Variants in TEX14 observed in about 807,000 individuals in gnomAD.
TEX14 encodes the protein testis expressed 14, intercellular bridge forming factor, also known as inactive serine/threonine-protein kinase TEX14.
In TEX14, 168 loss-of-function variants were observed where a neutral mutation model predicts 178.6. That is an observed-to-expected ratio of 0.94 (90% CI 0.83 to 1.07). TEX14 has a LOEUF of 1.07. TEX14 is among the 50% of genes least tolerant of loss of function. The pLI, the probability that TEX14 is intolerant of heterozygous loss-of-function variation, is 0.00. For missense variants in TEX14, 1,730 were observed against 1,753.6 expected (o/e 0.99, Z 0.24); for synonymous variants, 626 against 634.1 (o/e 0.99, Z 0.19).
At chr17:58,592,633 T>C (rs1358107354) in intron 15 of TEX14, among the ~76,000 whole-genome samples, 2 of 146,276 alleles carry the variant, frequency 1.4e-5, no homozygotes, top group African/African-American at 2.6e-5. Flanking sequence ...CGCACCCAGC[T>C]GTTCAAGCTA....
At chr17:58,580,880 T>A (rs1344816490) in intron 19 of TEX14, among the ~76,000 whole-genome samples, 1 of 152,174 alleles carries the variant, frequency 6.6e-6, no homozygotes, top group African/African-American at 2.4e-5. Flanking sequence ...CTTGCCTCAA[T>A]CCTGGCTCTC....
chr17:58,631,680 A>G (rs1000613878), intron 2 of TEX14: 7 of 151,792 alleles, frequency 4.6e-5, no homozygotes, highest in African/African-American at 1.7e-4. Context: ...ACGGTCACCA[A>G]CAGCAAACAG....
At chr17:58,606,296 C>A (rs992227655) in intron 10 of TEX14, among the ~76,000 whole-genome samples, 1 of 152,118 alleles carries the variant, frequency 6.6e-6, no homozygotes, top group Non-Finnish European at 1.5e-5. Flanking sequence ...AGCCATAAAG[C>A]GCTCTTTCAT....
chr17:58,647,938 T>A (rs2046750697), intron 2 of TEX14: 1 of 152,294 alleles, frequency 6.6e-6, no homozygotes, highest in Non-Finnish European at 1.5e-5. Context: ...GCTCAAGTGA[T>A]CCACCCACCT....
At chr17:58,614,698 G>C (rs547796169) in intron 8 of TEX14, among the ~76,000 whole-genome samples, 1 of 152,190 alleles carries the variant, frequency 6.6e-6, no homozygotes, top group East Asian at 1.9e-4. Flanking sequence ...GAGAGAGCTC[G>C]ATAAGCCTGG....
chr17:58,614,157 A>G (rs1440162830), intron 8 of TEX14, among the ~76,000 whole-genome samples: 1 of 152,164 alleles, frequency 6.6e-6, no homozygotes, highest in Non-Finnish European at 1.5e-5. Context: ...CAAGAAATGT[A>G]TCATTATACT....
At chr17:58,664,311 T>C (rs2643124) in intron 1 of TEX14, among the ~76,000 whole-genome samples, 96,726 of 152,032 alleles carry the variant, frequency 0.64, 31,150 homozygotes, top group African/African-American at 0.71. Context: ...TTGTGCCCCC[T>C]CATGGCTCTG....
rs879114487 is a variant in TEX14 at position 58,593,578 on chromosome 17, T to C, written c.2553A>G (p.Thr851=). 3.1e-6 allele frequency: 5 copies of C among 1,614,134 alleles called. No homozygotes were observed. The South Asian group carries it at 4.4e-5, about 14-fold the overall frequency. The change falls in exon 15 of 32, where the codon ACA becomes ACG. Residue 851 remains threonine, a synonymous_variant. Transcript: ENST00000349033. Reference sequence around the variant, plus strand: ...ACCTACTGGTATTTTGGATCCTGCTTGTTTCCAAACTGTCCTTGGCTCCTT... The same window carrying C: ...ACCTACTGGTATTTTGGATCCTGCTCGTTTCCAAACTGTCCTTGGCTCCTT... ...CTQGAKDSLE[T]SRIQNTSSQG...
At chr17:58,671,798 C>A (rs2047308627) in intron 1 of TEX14, among the ~76,000 whole-genome samples, 1 of 152,180 alleles carries the variant, frequency 6.6e-6, no homozygotes, top group Admixed American at 6.6e-5. Context: ...CAAAAGCCTT[C>A]CCTGGACCTC....
At chr17:58,631,574 A>G (rs1267900749) in intron 2 of TEX14, 1 of 152,044 alleles carries the variant, frequency 6.6e-6, no homozygotes, top group Non-Finnish European at 1.5e-5. Context: ...GCATAACCTT[A>G]TACTCAAAAA....
intron 18 of TEX14, among the ~76,000 whole-genome samples, 191 bp downstream of exon 18, chr17:58,585,610 G>GTTTTTTTT (rs879707841): frequency 1.2e-5 from 1 of 83,056 alleles, no homozygotes; most frequent in South Asian, 4.1e-4. Context: ...CCCAGCTAAT[G>GTTTTTTTT]TTTTTTTTTT....
At chr17:58,593,786 C>T in intron 14 of TEX14, 125 bp from the exon 15 acceptor site, 1 of 788,926 alleles carries the variant, frequency 1.3e-6, no homozygotes, top group Non-Finnish European at 2.1e-6. Flanking sequence ...CAGGATTTTC[C>T]TTTGCATGTT....
At chr17:58,631,716 A>G (rs420878) in intron 2 of TEX14, 96,438 of 151,552 alleles carry the variant, frequency 0.64, 31,031 homozygotes, top group African/African-American at 0.71. Context: ...AACACCAAAC[A>G]CTGCTATCCC....
chr17:58,648,389 T>G (rs1166529822), intron 2 of TEX14, among the ~76,000 whole-genome samples: 1 of 152,142 alleles, frequency 6.6e-6, no homozygotes, highest in Non-Finnish European at 1.5e-5. Context: ...AGAATCCCCT[T>G]AGATGGCTCA....
intron 6 of TEX14, among the ~76,000 whole-genome samples, chr17:58,616,597 AT>A (rs1313351222): frequency 2.0e-5 from 3 of 149,852 alleles, no homozygotes; most frequent in South Asian, 2.1e-4. Context: ...CACCTGGCTA[AT>A]TTTTTTTTTA....
chr17:58,625,257 C>T (rs2046108784), intron 3 of TEX14, among the ~76,000 whole-genome samples: 1 of 152,078 alleles, frequency 6.6e-6, no homozygotes, highest in South Asian at 2.1e-4. Flanking sequence ...CTCAGCCTCC[C>T]GAGTAGCTGG....
chr17:58,565,734 G>T lies in TEX14; in HGVS notation c.3964+13C>A. On this transcript the variant is annotated intron_variant, in intron 27 of 31. Coordinates refer to ENST00000349033, the MANE Select transcript of TEX14 (RefSeq NM_031272.5). ...AAAGAACCTGATGAAAACAATCTAG[G>T]TAGTTCACTTACCATTTGCAGTGCC... 1 of 1,593,762 alleles carries T rather than the reference G, an allele frequency of 6.3e-7. No homozygotes were observed.
intron 10 of TEX14, among the ~76,000 whole-genome samples, chr17:58,608,493 G>A (rs918132699): frequency 2.6e-5 from 4 of 152,112 alleles, no homozygotes; most frequent in Non-Finnish European, 4.4e-5. Flanking sequence ...GAGGTAGGAA[G>A]ATCGCTTGAC....
intron 20 of TEX14, among the ~76,000 whole-genome samples, chr17:58,579,464 C>T (rs973730864): frequency 3.3e-5 from 5 of 152,140 alleles, no homozygotes; most frequent in African/African-American, 4.8e-5. Flanking sequence ...TAATACAACA[C>T]GTGGATGTCA....
Sources: allele counts gnomAD v4.1 joint callset (sites outside exome capture counted in the v4.1 genomes callset), GRCh38; gene constraint gnomAD v4.1.1; transcripts MANE v1.5; gene names NCBI Gene and HGNC (gene_info 2026-07-23, HGNC 2026-07-21).